Variants in SLC25A16 observed in about 807,000 individuals in gnomAD.
The protein encoded by SLC25A16 is mitochondrial coenzyme A transporter SLC25A16.
In SLC25A16, 39 loss-of-function variants were observed where a neutral mutation model predicts 41.5. The ratio of observed to expected loss-of-function variants is 0.94; its 90% CI spans 0.73 to 1.23. SLC25A16 has a LOEUF of 1.23. Ranked by LOEUF, SLC25A16 falls within the 50% of genes most tolerant of loss-of-function variation. The pLI is 0.00. For missense variants in SLC25A16, 421 were observed against 426.9 expected (o/e 0.99, Z 0.12); for synonymous variants, 146 against 147.8 (o/e 0.99, Z 0.09).
At chr10:68,510,208 A>C (rs2457458) in intron 2 of SLC25A16, among the ~76,000 whole-genome samples, 1 of 152,034 alleles carries the variant, frequency 6.6e-6, no homozygotes, top group Non-Finnish European at 1.5e-5. Context: ...CATATCTTTA[A>C]CATCTGTGAA....
chr10:68,527,215 G>A, intron 1 of SLC25A16, 31 bp downstream of exon 1: 1 of 1,543,134 alleles, frequency 6.5e-7, no homozygotes, highest in Non-Finnish European at 8.7e-7. Flanking sequence ...GCCACTCAGA[G>A]CGCGGCTGGC....
intron 8 of SLC25A16, 146 bp downstream of exon 8, chr10:68,486,998 A>C: frequency 2.3e-6 from 1 of 438,390 alleles, no homozygotes. Context: ...TGATTGCCTG[A>C]TTGTAATCTT....
At chr10:68,502,534 A>G (rs534634371) in intron 4 of SLC25A16, among the ~76,000 whole-genome samples, 9 of 151,710 alleles carry the variant, frequency 5.9e-5, no homozygotes, top group African/African-American at 2.2e-4. Flanking sequence ...GTTTGAGACC[A>G]GCCTGGGCAA....
At chr10:68,510,615 CG>C (rs2053045851) in intron 2 of SLC25A16, among the ~76,000 whole-genome samples, 1 of 152,000 alleles carries the variant, frequency 6.6e-6, no homozygotes, top group Non-Finnish European at 1.5e-5. Context: ...CCGAAGCAGG[CG>C]GATCACCAGG....
At position 68,506,721 on chromosome 10, in the gene SLC25A16, A is replaced by G. The variant is rs2052961894; in HGVS notation, c.224-3T>C. 1 of 1,556,518 alleles carries G rather than the reference A, an allele frequency of 6.4e-7. No homozygotes were observed. The highest frequency in any genetic ancestry group is 8.7e-7 in the Non-Finnish European group (1 of 1,151,902). On this transcript the variant is annotated splice_polypyrimidine_tract_variant and splice_region_variant and intron_variant, in intron 2 of 8. Coordinates refer to ENST00000609923, the MANE Select transcript of SLC25A16 (RefSeq NM_152707.4). Reference sequence around the variant, plus strand: ...AGCACGCAATGCAGAAAATACTCCTATTTTTAGAGGAAAAATGCTGTTAAA... The same window carrying G: ...AGCACGCAATGCAGAAAATACTCCTGTTTTTAGAGGAAAAATGCTGTTAAA...
At chr10:68,488,222 A>G (rs1047406681) in intron 7 of SLC25A16, among the ~76,000 whole-genome samples, 11 of 152,080 alleles carry the variant, frequency 7.2e-5, no homozygotes, top group African/African-American at 2.7e-4. Flanking sequence ...GGCTCAAGCA[A>G]TCCTCCTGCC....
rs1433021045 is a variant in SLC25A16, at chr10:68,486,246, A to AC, written c.842+897_842+898insG. The stretch of plus-strand genomic sequence containing the variant: ...AAAAACAAAACAAAAAAAAAAAAAA[A>AC]ACACAACCTCTAAAATAATATTTTT... On this transcript the variant is annotated intron_variant, in intron 8 of 8. Transcript: ENST00000609923. Among the ~76,000 whole-genome samples, 373 of 143,368 alleles carry AC rather than the reference A, an allele frequency of 2.6e-3. 8 individuals carry two copies. The highest frequency in any genetic ancestry group is 5.7e-3 in the African/African-American group (208 of 36,318). The allele number at this position is 143,368 out of a possible 152,430, so 94.1% of individuals were successfully genotyped here.
Position 68,483,152 on chromosome 10 carries a change from T to A in SLC25A16, c.*280A>T. 4.3e-6 allele frequency: 1 copy of A among 233,192 alleles called. No homozygotes were observed. The highest frequency in any genetic ancestry group is 8.3e-5 in the East Asian group (1 of 12,112). The allele number at this position is 233,192 out of a possible 1,614,324, so 14.4% of individuals were successfully genotyped here. On this transcript the variant is annotated 3_prime_UTR_variant, in exon 9 of 9. Coordinates refer to ENST00000609923, the MANE Select transcript of SLC25A16 (RefSeq NM_152707.4). ...TAATGGCAACCTCTTGAACCCCGTT[T>A]TAAAGCTAGTTCTACTTCCAAATAA...
rs147974303 is a variant in SLC25A16, at chr10:68,488,548, T to C, written c.692A>G (p.Asp231Gly). The C allele has an allele frequency of 5.6e-6, 9 of 1,602,164 alleles. No homozygotes were observed. Among genetic ancestry groups the C allele is most frequent in the South Asian group, 3.4e-5 (3 of 88,056 alleles). The change falls in exon 7 of 9, where the codon GAC becomes GGC. Residue 231 changes from aspartate to glycine, a missense_variant. Asp to Gly is a moderately conservative substitution (Grantham distance 94). Coordinates refer to ENST00000609923, the MANE Select transcript of SLC25A16 (RefSeq NM_152707.4). The part of the protein sequence containing the change: ...APTLLGRPSS[D>G]NPNVLVLKTH... ...TTTCAAAACTAAGACATTAGGATTG[T>C]CTGATGAAGGTCTGCCAAGAAGGGT...
Position 68,483,537 on chromosome 10 carries a change from T to C in SLC25A16, c.894A>G (p.Lys298=), listed in dbSNP as rs780470695. 1.9e-6 allele frequency: 3 copies of C among 1,611,396 alleles called. No homozygotes were observed. In the Admixed American group the frequency reaches 5.0e-5, roughly 27 times the overall value. The stretch of plus-strand genomic sequence containing the variant: ...TAAGAGATAAACCACGATAGAGTCC[T>C]TTTCGAATTCCATGGTGTCCATAGA... ...KYVYGHHGIR[K]GLYRGLSLNY... is the part of the protein sequence containing the mutation. The change falls in exon 9 of 9, where the codon AAA becomes AAG. Residue 298 remains lysine, a synonymous_variant. Coordinates refer to ENST00000609923, the MANE Select transcript of SLC25A16 (RefSeq NM_152707.4).
intron 4 of SLC25A16, chr10:68,496,401 A>G (rs1188654395): frequency 5.0e-6 from 4 of 807,890 alleles, no homozygotes; most frequent in Non-Finnish European, 6.0e-6. Flanking sequence ...AAAGCCCTCG[A>G]TGTACAAATA....
Position 68,478,537 on chromosome 10 carries a change from T to A in SLC25A16, c.*4895A>T, listed in dbSNP as rs1482814371. 2.0e-5 allele frequency: 3 copies of A among 151,926 alleles called. No homozygotes were observed. Among genetic ancestry groups the A allele is most frequent in the Admixed American group, 6.6e-5 (1 of 15,242 alleles). 9.4% of individuals were successfully genotyped at this position (151,926 alleles called of 1,614,324 possible). On this transcript the variant is annotated 3_prime_UTR_variant, in exon 9 of 9. Transcript: ENST00000609923. ...ATAAATAATTATACATAGGGTTTTTTAAAAAAACATTTTATATAAAAAAAT... is the reference window on the plus strand; with the variant it reads ...ATAAATAATTATACATAGGGTTTTTAAAAAAAACATTTTATATAAAAAAAT...
chr10:68,498,996 G>C (rs1273063080), intron 4 of SLC25A16, among the ~76,000 whole-genome samples: 8 of 152,164 alleles, frequency 5.3e-5, no homozygotes, highest in African/African-American at 1.7e-4. Flanking sequence ...GGCATGGAAG[G>C]ATTAATAACA....
chr10:68,480,437 T>TC lies in SLC25A16; in HGVS notation c.*2994_*2995insG, dbSNP rs1260371285. The stretch of plus-strand genomic sequence containing the variant: ...TTCTATAACATATAGAATGCAAATT[T>TC]TTATTTAAAAGATATTTGCAATCCC... On this transcript the variant is annotated 3_prime_UTR_variant, in exon 9 of 9. Transcript: ENST00000609923. 1.3e-5 allele frequency: 2 copies of TC among 152,082 alleles called. No individual in the cohort carries two copies. Among genetic ancestry groups the TC allele is most frequent in the African/African-American group, 4.8e-5 (2 of 41,466 alleles). The allele number at this position is 152,082 out of a possible 1,614,324, so 9.4% of individuals were successfully genotyped here.
intron 7 of SLC25A16, among the ~76,000 whole-genome samples, chr10:68,487,810 A>G (rs1242663751): frequency 1.3e-5 from 2 of 152,234 alleles, no homozygotes; most frequent in Non-Finnish European, 2.9e-5. Flanking sequence ...TAAAACTAAT[A>G]ATACAGATAA....
At chr10:68,518,455 T>A (rs1029087332) in intron 1 of SLC25A16, among the ~76,000 whole-genome samples, 2 of 151,670 alleles carry the variant, frequency 1.3e-5, no homozygotes, top group Non-Finnish European at 2.9e-5. Flanking sequence ...AATTTTAATT[T>A]TAAAAATCCA....
intron 6 of SLC25A16, among the ~76,000 whole-genome samples, chr10:68,490,368 G>A (rs1404286380): frequency 6.7e-6 from 1 of 150,120 alleles, no homozygotes; most frequent in Non-Finnish European, 1.5e-5. Flanking sequence ...TTGAAACAGA[G>A]TTTTACTCTT....
rs1277743590 is a variant in SLC25A16, at chr10:68,493,822, T to A, written c.422-252A>T. On this transcript the variant is annotated intron_variant, in intron 4 of 8. Transcript: ENST00000609923. ...CTGTTAGCACCAAAATGGTACAGTG[T>A]ACAGTGTAAGGGAATCATGAGATTT... is the stretch of plus-strand genomic sequence containing the variant. Among the ~76,000 whole-genome samples the A allele has an allele frequency of 2.6e-5, 4 of 152,206 alleles. No homozygotes were observed. The East Asian group carries it at 7.7e-4, about 29-fold the overall frequency.
rs1477392715 is a variant in SLC25A16 at position 68,482,686 on chromosome 10, A to G, written c.*746T>C. The stretch of plus-strand genomic sequence containing the variant: ...TAAGTCACTCATAGTACCTCATAAT[A>G]ACATTTGAGCAAGACTTAGTCGTTC... On this transcript the variant is annotated 3_prime_UTR_variant, in exon 9 of 9. Transcript: ENST00000609923. The G allele has an allele frequency of 1.3e-5, 2 of 152,166 alleles. No individual in the cohort carries two copies. The highest frequency in any genetic ancestry group is 2.9e-5 in the Non-Finnish European group (2 of 68,040). 9.4% of individuals were successfully genotyped at this position (152,166 alleles called of 1,614,324 possible). A position where few individuals can be genotyped will look rare whatever the true frequency, so the allele number is the denominator to read the frequency against.
Sources: gnomAD v4.1 joint callset for allele counts (sites outside exome capture counted in the v4.1 genomes callset) on GRCh38, gnomAD v4.1.1 for gene constraint, MANE v1.5 for transcripts, NCBI Gene and HGNC (gene_info 2026-07-23, HGNC 2026-07-21) for gene names.